Variants in KCNT2 observed in about 807,000 individuals in gnomAD.
KCNT2 encodes the protein potassium channel subfamily T member 2.
Under a neutral mutation model 153.8 loss-of-function variants are expected in KCNT2, and 67 were observed. The ratio of observed to expected loss-of-function variants is 0.44; its 90% CI spans 0.36 to 0.53. The LOEUF (loss-of-function observed/expected upper bound fraction) is 0.53. Ranked by LOEUF, KCNT2 falls within the 20% of genes least tolerant of loss-of-function variation. The pLI is 0.00. For missense variants in KCNT2, 975 were observed against 1,354.8 expected, an observed-to-expected ratio of 0.72 and a Z score of 4.40; for synonymous variants, 500 against 458.8, an observed-to-expected ratio of 1.09 and a Z score of -1.15.
intron 26 of KCNT2, among the ~76,000 whole-genome samples, chr1:196,256,994 T>C (rs565868838): frequency 6.6e-6 from 1 of 152,250 alleles, no homozygotes; most frequent in African/African-American, 2.4e-5. Context: ...TATATTAAAA[T>C]TATTTGTCAC....
chr1:196,566,947 C>G (rs1660184475), intron 1 of KCNT2, among the ~76,000 whole-genome samples: 1 of 151,948 alleles, frequency 6.6e-6, no homozygotes. Flanking sequence ...TCATATAATA[C>G]CTTGCAAAAT....
intron 1 of KCNT2, among the ~76,000 whole-genome samples, chr1:196,602,027 C>G (rs1388498039): frequency 6.6e-6 from 1 of 151,324 alleles, no homozygotes; most frequent in Non-Finnish European, 1.5e-5. Flanking sequence ...TTTTCTATGA[C>G]CCATTAAAAA....
chr1:196,423,396 A>G (rs1186651380), intron 11 of KCNT2, among the ~76,000 whole-genome samples: 5 of 151,878 alleles, frequency 3.3e-5, no homozygotes, highest in African/African-American at 9.7e-5. Context: ...TATATTTTAT[A>G]TGCATGCTTT....
intron 1 of KCNT2, among the ~76,000 whole-genome samples, chr1:196,544,483 T>G (rs889500194): frequency 1.3e-5 from 2 of 151,868 alleles, no homozygotes; most frequent in Non-Finnish European, 2.9e-5. Context: ...TATTACCTAT[T>G]CAAAAATAAA....
intron 22 of KCNT2, among the ~76,000 whole-genome samples, chr1:196,292,408 G>A (rs78292442): frequency 0.05 from 7,541 of 152,162 alleles, 283 homozygotes; most frequent in Non-Finnish European, 0.071. Flanking sequence ...CTAAGATCAG[G>A]GGCAAAGTCA....
intron 1 of KCNT2, among the ~76,000 whole-genome samples, chr1:196,564,469 G>A (rs1286874794): frequency 6.6e-6 from 1 of 151,604 alleles, no homozygotes; most frequent in African/African-American, 2.4e-5. Flanking sequence ...AAATTCTAAT[G>A]ACATTATTCA....
intron 26 of KCNT2, among the ~76,000 whole-genome samples, chr1:196,242,145 G>A (rs1050219387): frequency 3.9e-5 from 6 of 152,016 alleles, no homozygotes; most frequent in Non-Finnish European, 7.4e-5. Flanking sequence ...AAAATACTAT[G>A]ATTACAGCTA....
intron 26 of KCNT2, among the ~76,000 whole-genome samples, chr1:196,248,684 C>A (rs896552979): frequency 1.1e-4 from 17 of 152,062 alleles, no homozygotes; most frequent in African/African-American, 3.9e-4. Context: ...AAGCCTCAGA[C>A]CCTTATGGCT....
At chr1:196,571,911 T>G (rs1660822347) in intron 1 of KCNT2, among the ~76,000 whole-genome samples, 1 of 152,138 alleles carries the variant, frequency 6.6e-6, no homozygotes, top group Non-Finnish European at 1.5e-5. Flanking sequence ...GCTTCCATTC[T>G]GAAAATATGA....
At chr1:196,461,208 T>C (rs1317771995) in intron 8 of KCNT2, among the ~76,000 whole-genome samples, 1 of 149,904 alleles carries the variant, frequency 6.7e-6, no homozygotes, top group East Asian at 1.9e-4. Context: ...GCATCCAGTG[T>C]TTAAATAGGT....
intron 1 of KCNT2, among the ~76,000 whole-genome samples, chr1:196,565,236 C>T (rs930136828): frequency 6.6e-5 from 10 of 151,510 alleles, no homozygotes; most frequent in Admixed American, 5.9e-4. Context: ...ATTAAAACCA[C>T]AATGAGATAT....
chr1:196,241,342 A>T (rs887465477), intron 26 of KCNT2, among the ~76,000 whole-genome samples: 2 of 152,010 alleles, frequency 1.3e-5, no homozygotes, highest in African/African-American at 2.4e-5. Flanking sequence ...TTATATACAC[A>T]TTATGTGTTA....
chr1:196,547,350 A>T (rs1657243285), intron 1 of KCNT2, among the ~76,000 whole-genome samples: 2 of 151,286 alleles, frequency 1.3e-5, no homozygotes, highest in African/African-American at 4.8e-5. Context: ...GCCATTATTT[A>T]AAAAAAAATT....
At chr1:196,328,327 A>C (rs1227247628) in intron 18 of KCNT2, among the ~76,000 whole-genome samples, 1 of 152,138 alleles carries the variant, frequency 6.6e-6, no homozygotes, top group African/African-American at 2.4e-5. Flanking sequence ...AATGAAAGGC[A>C]GAGAAGAAAA....
intron 13 of KCNT2, among the ~76,000 whole-genome samples, chr1:196,384,060 T>C (rs1267413173): frequency 1.3e-5 from 2 of 152,218 alleles, no homozygotes; most frequent in Non-Finnish European, 2.9e-5. Context: ...AAGGGAACTA[T>C]GTGAGGTGAT....
At chr1:196,515,682 A>C (rs1450091979) in intron 1 of KCNT2, among the ~76,000 whole-genome samples, 1 of 152,216 alleles carries the variant, frequency 6.6e-6, no homozygotes, top group African/African-American at 2.4e-5. Context: ...TGCCACTCTT[A>C]TGGAGAAAAG....
intron 20 of KCNT2, 46 bp downstream of exon 20, chr1:196,319,438 C>T: frequency 1.5e-6 from 2 of 1,355,960 alleles, no homozygotes; most frequent in Non-Finnish European, 2.1e-6. Context: ...CATGACAAAC[C>T]ACAGGACACT....
chr1:196,599,129 C>A (rs973615646), intron 1 of KCNT2, among the ~76,000 whole-genome samples: 9 of 152,218 alleles, frequency 5.9e-5, no homozygotes, highest in African/African-American at 1.7e-4. Flanking sequence ...ATCACCCTAT[C>A]TGATCCCTAG....
At chr1:196,379,884 A>C (rs1669328662) in intron 13 of KCNT2, among the ~76,000 whole-genome samples, 1 of 152,178 alleles carries the variant, frequency 6.6e-6, no homozygotes. Context: ...TCTGAGGAAA[A>C]AAATAGAAAA....
Sources: allele counts gnomAD v4.1 joint callset (sites outside exome capture counted in the v4.1 genomes callset), GRCh38; gene constraint gnomAD v4.1.1; transcripts MANE v1.5; gene names NCBI Gene and HGNC (gene_info 2026-07-23, HGNC 2026-07-21).